The following CEP250 variants were observed in gnomAD, a reference collection of about 807,000 sequenced individuals.
CEP250 encodes centrosome-associated protein CEP250.
In CEP250, 242 loss-of-function variants were observed where a neutral mutation model predicts 315.7. That is an observed-to-expected ratio of 0.77 (90% CI 0.69 to 0.85). The LOEUF is 0.85. Ranked by LOEUF, CEP250 falls within the 40% of genes least tolerant of loss-of-function variation. CEP250 has a pLI of 0.00. For synonymous variants in CEP250, 1,088 were observed against 1,175.0 expected, an observed-to-expected ratio of 0.93 and a Z score of 1.51; for missense variants, 2,515 against 2,886.4, an observed-to-expected ratio of 0.87 and a Z score of 2.95.
chr20:35,487,825 A>C (rs530869672), intron 20 of CEP250, among the ~76,000 whole-genome samples: 31 of 152,328 alleles, frequency 2.0e-4, no homozygotes, highest in Non-Finnish European at 4.1e-4. Context: ...TAAGGGGTAG[A>C]AAAGGGATTC....
At chr20:35,470,729 G>A (rs1047061626) in intron 10 of CEP250, among the ~76,000 whole-genome samples, 1 of 152,188 alleles carries the variant, frequency 6.6e-6, no homozygotes, top group Admixed American at 6.5e-5. Flanking sequence ...CTACAGCCTG[G>A]GCAACAAGAG....
intron 3 of CEP250, among the ~76,000 whole-genome samples, chr20:35,461,800 T>C (rs1388876419): frequency 2.6e-5 from 4 of 152,182 alleles, no homozygotes; most frequent in African/African-American, 9.7e-5. Context: ...GTAAAGCACT[T>C]AAAGCAACAG....
chr20:35,478,278 T>C (rs1444993570), intron 17 of CEP250, among the ~76,000 whole-genome samples, 177 bp downstream of exon 17: 1 of 152,140 alleles, frequency 6.6e-6, no homozygotes, highest in Non-Finnish European at 1.5e-5. Flanking sequence ...TAACAATTCT[T>C]CACTGAGGCT....
chr20:35,456,229 G>T (rs914369904), intron 1 of CEP250, among the ~76,000 whole-genome samples: 2 of 152,176 alleles, frequency 1.3e-5, no homozygotes, highest in Non-Finnish European at 2.9e-5. Context: ...AATCCTATGG[G>T]GTGAGTTCTT....
chr20:35,504,816 G>A lies in CEP250; in HGVS notation c.6447G>A (p.Gln2149=), dbSNP rs985469451. The A allele has an allele frequency of 4.3e-6, 7 of 1,613,212 alleles. No homozygotes were observed. In the African/African-American group the frequency reaches 9.3e-5, roughly 22 times the overall value. ...TTGATTCTTTAGAGCCCAGGCTGCA[G>A]CGGGAGCTGGAGCGGCTACAGGCAG... The part of the protein sequence containing the change: ...LKLDSLEPRL[Q]RELERLQAAL... The change falls in exon 30 of 35, where the codon CAG becomes CAA. Residue 2149 remains glutamine, a synonymous_variant. Transcript: ENST00000397527.
At chr20:35,489,061 G>A (rs1000598400) in intron 20 of CEP250, among the ~76,000 whole-genome samples, 4 of 151,976 alleles carry the variant, frequency 2.6e-5, no homozygotes, top group Non-Finnish European at 5.9e-5. Flanking sequence ...GGTGGCGGGC[G>A]CCTGTAATCC....
rs367689715 is a variant in CEP250, at chr20:35,504,761, C to T, written c.6392C>T (p.Thr2131Ile). ...NLEALPHSHK[T>I]SPMEEQSLKL... is the part of the protein sequence containing the mutation. Reference sequence around the variant, plus strand: ...GAAGCCTTACCCCACAGCCACAAAACCTCCCCAATGGAGGAACAATCTCTA... The same window carrying T: ...GAAGCCTTACCCCACAGCCACAAAATCTCCCCAATGGAGGAACAATCTCTA... Residue 2131 changes from threonine (T) to isoleucine (I), a missense_variant, in exon 30 of 35, where the codon ACC (threonine) becomes ATC (isoleucine). Transcript: ENST00000397527. The T allele has an allele frequency of 5.0e-6, 8 of 1,614,092 alleles. No homozygotes were observed. The African/African-American group carries it at 9.3e-5, about 19-fold the overall frequency.
At chr20:35,507,403 G>T (rs1466119134) in intron 30 of CEP250, among the ~76,000 whole-genome samples, 2 of 152,154 alleles carry the variant, frequency 1.3e-5, no homozygotes, top group Non-Finnish European at 2.9e-5. Context: ...ACGCCACAGG[G>T]CACCCAGCCC....
Position 35,512,018 on chromosome 20 carries a change from A to G in CEP250, c.*392A>G. On this transcript the variant is annotated 3_prime_UTR_variant, in exon 35 of 35. Transcript: ENST00000397527. ...ACTTGTGCAGCTGGGTGGCAGCACC[A>G]CATCAAGGGAGTTTATCTGGGAAGA... 9.7e-7 allele frequency: 1 copy of G among 1,032,552 alleles called. No homozygotes were observed. The highest frequency in any genetic ancestry group is 1.2e-6 in the Non-Finnish European group (1 of 860,476). The allele number at this position is 1,032,552 out of a possible 1,614,324, so 64.0% of individuals were successfully genotyped here.
chr20:35,474,259 T>A (rs1359165456), intron 14 of CEP250, among the ~76,000 whole-genome samples: 3 of 152,314 alleles, frequency 2.0e-5, no homozygotes, highest in Admixed American at 2.0e-4. Context: ...CCATATGGGA[T>A]GAGACACTGA....
intron 24 of CEP250, among the ~76,000 whole-genome samples, chr20:35,495,497 C>T (rs546957424): frequency 6.6e-6 from 1 of 152,146 alleles, no homozygotes; most frequent in Admixed American, 6.5e-5. Flanking sequence ...CTGTGTCCCA[C>T]GACTGTAATC....
intron 3 of CEP250, among the ~76,000 whole-genome samples, chr20:35,461,458 C>T (rs961939744): frequency 4.6e-5 from 7 of 152,206 alleles, no homozygotes; most frequent in East Asian, 1.9e-4. Flanking sequence ...TTAGGCTGGC[C>T]GCCTCTGCCT....
In CEP250 at chr20:35,475,423, G is replaced by A. The variant is rs371712470; in HGVS notation, c.1572-79G>A. The A allele has an allele frequency of 2.3e-5, 33 of 1,419,716 alleles. No individual in the cohort carries two copies. The African/African-American group carries it at 4.0e-4, about 17-fold the overall frequency. 87.9% of individuals were successfully genotyped at this position (1,419,716 alleles called of 1,614,324 possible). ...CATCCTCATTCTGTTGCATAGCAAAGGTGATTATATTCCTGTTACCTTTGG... is the reference window on the plus strand; with the variant it reads ...CATCCTCATTCTGTTGCATAGCAAAAGTGATTATATTCCTGTTACCTTTGG... On this transcript the variant is annotated intron_variant, in intron 14 of 34. Transcript: ENST00000397527.
In CEP250 at chr20:35,466,024, C is replaced by T; in HGVS notation, c.327-15C>T. ...ACCTTTATTTTGCACCCACTTTTAC[C>T]CCTCCCCAGTGCAGGTGTGAGAGTC... On this transcript the variant is annotated splice_polypyrimidine_tract_variant and intron_variant, in intron 6 of 34. Coordinates refer to ENST00000397527, the MANE Select transcript of CEP250 (RefSeq NM_007186.6). 6.2e-7 allele frequency: 1 copy of T among 1,613,964 alleles called. No individual in the cohort carries two copies. Among genetic ancestry groups the T allele is most frequent in the Non-Finnish European group, 8.5e-7 (1 of 1,179,902 alleles).
rs763828103 is a variant in CEP250 at position 35,473,982 on chromosome 20, G to C, written c.1501G>C (p.Asp501His). The change falls in exon 14 of 35, where the codon GAC (aspartate) becomes CAC (histidine). Residue 501 changes from aspartate to histidine, a missense_variant. Physicochemically the swap from Asp to His is moderately conservative, Grantham distance 81 (BLOSUM62 -1). Coordinates refer to ENST00000397527, the MANE Select transcript of CEP250 (RefSeq NM_007186.6). ...RVNVELQLQGDSAQGQKEEQQ... is the reference protein window; with the variant it reads ...RVNVELQLQGHSAQGQKEEQQ... Reference sequence around the variant, plus strand: ...AAATGTGGAGCTTCAGCTGCAGGGGGACTCTGCCCAGGGCCAGAAGGAGGA... The same window carrying C: ...AAATGTGGAGCTTCAGCTGCAGGGGCACTCTGCCCAGGGCCAGAAGGAGGA... 12 of 1,608,378 alleles carry C rather than the reference G, an allele frequency of 7.5e-6. No homozygotes were observed. The South Asian group carries it at 1.2e-4, about 16-fold the overall frequency.
At chr20:35,476,426 C>G in intron 15 of CEP250, 23 bp from the exon 16 acceptor site, 1 of 1,605,958 alleles carries the variant, frequency 6.2e-7, no homozygotes, top group Non-Finnish European at 8.5e-7. Flanking sequence ...ATATGAAACT[C>G]TTTAATCCTT....
At chr20:35,480,742 G>A (rs1405441688) in intron 20 of CEP250, among the ~76,000 whole-genome samples, 3 of 151,880 alleles carry the variant, frequency 2.0e-5, no homozygotes, top group African/African-American at 7.3e-5. Flanking sequence ...ACAGGTGTGT[G>A]CCACCACATC....
chr20:35,487,313 CA>C (rs2063541307), intron 20 of CEP250, among the ~76,000 whole-genome samples: 1 of 151,646 alleles, frequency 6.6e-6, no homozygotes, highest in Non-Finnish European at 1.5e-5. Flanking sequence ...ACTAAAAATA[CA>C]AAAAAATTAG....
At chr20:35,462,244 A>T (rs1360073895) in intron 3 of CEP250, 21 bp from the exon 4 acceptor site, 1 of 687,510 alleles carries the variant, frequency 1.5e-6, no homozygotes, top group Admixed American at 2.9e-5. Flanking sequence ...TTTCCATTTG[A>T]CTATGTGCTT....
Sources: allele counts gnomAD v4.1 joint callset (sites outside exome capture counted in the v4.1 genomes callset), GRCh38; gene constraint gnomAD v4.1.1; transcripts MANE v1.5; gene names NCBI Gene and HGNC (gene_info 2026-07-23, HGNC 2026-07-21).